Variants in PTPRD observed in about 807,000 individuals in gnomAD.
The protein encoded by PTPRD is receptor-type tyrosine-protein phosphatase delta.
Under a neutral mutation model 214.5 loss-of-function variants are expected in PTPRD, and 34 were observed. The observed-to-expected ratio is 0.16, with a 90% CI of 0.12 to 0.21. The LOEUF (loss-of-function observed/expected upper bound fraction) is 0.21. Ranked by LOEUF, PTPRD falls within the 10% of genes least tolerant of loss-of-function variation. PTPRD has a pLI of 1.00. For synonymous variants in PTPRD, 1,128 were observed against 845.7 expected (o/e 1.33, Z -5.79); for missense variants, 2,545 against 2,398.7 (o/e 1.06, Z -1.27).
At chr9:10,305,787 G>A (rs540544761) in intron 3 of PTPRD, among the ~76,000 whole-genome samples, 1 of 152,128 alleles carries the variant, frequency 6.6e-6, no homozygotes, top group African/African-American at 2.4e-5. Flanking sequence ...TGCCGGAGAG[G>A]ATGTGGAGAA....
chr9:10,545,850 T>C (rs2060058125), intron 2 of PTPRD, among the ~76,000 whole-genome samples: 2 of 152,148 alleles, frequency 1.3e-5, no homozygotes, highest in South Asian at 4.1e-4. Flanking sequence ...TTTTCCTAAA[T>C]TTGTACTATT....
chr9:9,474,736 A>C lies in PTPRD; in HGVS notation c.-236-77254T>G, dbSNP rs77903555. Among the ~76,000 whole-genome samples, 911 of 151,810 alleles carry C rather than the reference A, an allele frequency of 6.0e-3. 6 individuals carry two copies. The highest frequency in any genetic ancestry group is 8.1e-3 in the Non-Finnish European group (550 of 67,872). ...TACTATCTTGATTTCTTTTTCAAATAGTTTGTTATTGGTGTATAGAATTTC... is the reference window on the plus strand; with the variant it reads ...TACTATCTTGATTTCTTTTTCAAATCGTTTGTTATTGGTGTATAGAATTTC... On this transcript the variant is annotated intron_variant, in intron 8 of 45. Coordinates refer to ENST00000381196, the MANE Select transcript of PTPRD (RefSeq NM_002839.4).
chr9:10,440,181 C>T (rs2098749576), intron 2 of PTPRD, among the ~76,000 whole-genome samples: 2 of 151,562 alleles, frequency 1.3e-5, no homozygotes, highest in Admixed American at 1.3e-4. Context: ...CTAGAATTAT[C>T]TTGAATTTGT....
At chr9:9,496,822 C>G (rs747873706) in intron 8 of PTPRD, among the ~76,000 whole-genome samples, 2 of 152,154 alleles carry the variant, frequency 1.3e-5, no homozygotes, top group Non-Finnish European at 2.9e-5. Context: ...TGGCATTATT[C>G]ACAGTAGCTA....
intron 11 of PTPRD, among the ~76,000 whole-genome samples, chr9:9,003,330 C>G (rs1209424705): frequency 6.6e-6 from 1 of 152,016 alleles, no homozygotes; most frequent in Non-Finnish European, 1.5e-5. Flanking sequence ...GCTCTGAATA[C>G]TCTAGGCAGT....
At chr9:10,460,680 T>C (rs569429494) in intron 2 of PTPRD, among the ~76,000 whole-genome samples, 3 of 152,244 alleles carry the variant, frequency 2.0e-5, no homozygotes, top group Non-Finnish European at 2.9e-5. Flanking sequence ...CAAACCTGGA[T>C]TGACATATCC....
intron 20 of PTPRD, among the ~76,000 whole-genome samples, chr9:8,520,278 C>T (rs1044819042): frequency 2.0e-5 from 3 of 151,968 alleles, no homozygotes; most frequent in Non-Finnish European, 4.4e-5. Flanking sequence ...CATTATTTCA[C>T]GATTGTAAAT....
chr9:9,121,387 A>G (rs2099817466), intron 10 of PTPRD, among the ~76,000 whole-genome samples: 1 of 152,196 alleles, frequency 6.6e-6, no homozygotes, highest in Non-Finnish European at 1.5e-5. Flanking sequence ...TGTTTATAGC[A>G]GCACAAGTCA....
intron 2 of PTPRD, among the ~76,000 whole-genome samples, chr9:10,464,457 G>C (rs908134499): frequency 2.7e-5 from 4 of 150,876 alleles, no homozygotes; most frequent in African/African-American, 9.7e-5. Context: ...GAAAGGAGGA[G>C]AGGAGAAAGG....
intron 23 of PTPRD, among the ~76,000 whole-genome samples, chr9:8,502,101 A>G (rs911345508): frequency 6.6e-6 from 1 of 152,184 alleles, no homozygotes; most frequent in Non-Finnish European, 1.5e-5. Context: ...CCCATTCTAA[A>G]TTAAACTAGT....
chr9:10,380,261 C>T (rs1319031348), intron 2 of PTPRD, among the ~76,000 whole-genome samples: 4 of 152,046 alleles, frequency 2.6e-5, no homozygotes, highest in South Asian at 2.1e-4. Context: ...TTTCCTAAAA[C>T]GCTTTGCTAT....
At chr9:9,947,968 T>C (rs1034517284) in intron 4 of PTPRD, among the ~76,000 whole-genome samples, 3 of 151,850 alleles carry the variant, frequency 2.0e-5, no homozygotes, top group Non-Finnish European at 4.4e-5. Flanking sequence ...ACGAGTTTCC[T>C]TGTTGCAGGA....
Position 10,451,902 on chromosome 9 carries a change from G to T in PTPRD, c.-599-110885C>A, listed in dbSNP as rs1016512142. On this transcript the variant is annotated intron_variant, in intron 2 of 45. Coordinates refer to ENST00000381196, the MANE Select transcript of PTPRD (RefSeq NM_002839.4). ...AGTAACTTCATAGCGTCAGTTAAAG[G>T]TATTATTTTCGAATTAAAGCTTAAT... 2.7e-5 allele frequency among the ~76,000 whole-genome samples: 4 copies of T among 148,362 alleles called. No individual in the cohort carries two copies. The South Asian group carries it at 6.2e-4, about 23-fold the overall frequency.
chr9:10,184,227 C>T (rs555305351), intron 3 of PTPRD, among the ~76,000 whole-genome samples: 16 of 152,162 alleles, frequency 1.1e-4, no homozygotes, highest in African/African-American at 3.6e-4. Context: ...GGGTTCGAGA[C>T]CAGCCTGGCC....
At chr9:8,567,429 T>A (rs2089671219) in intron 14 of PTPRD, among the ~76,000 whole-genome samples, 1 of 152,144 alleles carries the variant, frequency 6.6e-6, no homozygotes, top group Non-Finnish European at 1.5e-5. Flanking sequence ...CTCACCTGCT[T>A]CCATAGTACC....
chr9:9,504,287 C>G (rs1475419276), intron 8 of PTPRD, among the ~76,000 whole-genome samples: 2 of 151,592 alleles, frequency 1.3e-5, no homozygotes, highest in Admixed American at 6.6e-5. Context: ...TTTTATATGT[C>G]TTTACCCAAT....
intron 9 of PTPRD, among the ~76,000 whole-genome samples, chr9:9,339,185 G>C (rs953592795): frequency 1.3e-5 from 2 of 151,984 alleles, no homozygotes; most frequent in Admixed American, 1.3e-4. Context: ...CATGTAAAAA[G>C]CTAGGTGAGA....
intron 5 of PTPRD, among the ~76,000 whole-genome samples, chr9:9,807,962 CA>C (rs1230164239): frequency 1.3e-5 from 2 of 152,132 alleles, no homozygotes. Context: ...GCTTCTACCT[CA>C]AAGAATGTTT....
At chr9:9,456,040 C>A (rs554772129) in intron 8 of PTPRD, among the ~76,000 whole-genome samples, 1 of 151,852 alleles carries the variant, frequency 6.6e-6, no homozygotes, top group African/African-American at 2.4e-5. Flanking sequence ...TGGCAACAAC[C>A]AAACATTAAA....
Sources: gnomAD v4.1 joint callset for allele counts (sites outside exome capture counted in the v4.1 genomes callset) on GRCh38, gnomAD v4.1.1 for gene constraint, MANE v1.5 for transcripts, NCBI Gene and HGNC (gene_info 2026-07-23, HGNC 2026-07-21) for gene names.